Variants in DIAPH1 observed in about 807,000 individuals in gnomAD.
DIAPH1 encodes diaphanous related formin 1, also known as protein diaphanous homolog 1.
DIAPH1 carries 46 observed loss-of-function variants against 140.7 expected under a neutral mutation model. That is an observed-to-expected ratio of 0.33 (90% confidence interval 0.26 to 0.42). DIAPH1 has a LOEUF of 0.42. Among genes scored for constraint, DIAPH1 ranks in the 10% least tolerant of loss-of-function variants. The probability of loss-of-function intolerance (pLI) is 1.00; values close to 1 mark genes in which losing one functional copy is unlikely to be tolerated. For synonymous variants in DIAPH1, 565 were observed against 551.6 expected (o/e 1.02, Z -0.34); for missense variants, 1,310 against 1,558.7 (o/e 0.84, Z 2.69).
intron 1 of DIAPH1, among the ~76,000 whole-genome samples, chr5:141,603,131 C>T (rs2099900420): frequency 6.6e-6 from 1 of 152,050 alleles, no homozygotes; most frequent in African/African-American, 2.4e-5. Flanking sequence ...CTAGCAGTCC[C>T]CAGAAATGGA....
Position 141,573,456 on chromosome 5 carries a change from A to G in DIAPH1, c.2358+36T>C, listed in dbSNP as rs1431095904. On this transcript the variant is annotated intron_variant, in intron 16 of 27. Coordinates refer to ENST00000389054, the MANE Select transcript of DIAPH1 (RefSeq NM_005219.5). ...TCTCAAAAAAAAAAAAAAAAAAAAA[A>G]GATTGACTGGTGAAGAAATAGACAG... 3.2e-6 allele frequency: 5 copies of G among 1,574,818 alleles called. No individual in the cohort carries two copies. The African/African-American group carries it at 5.5e-5, about 17-fold the overall frequency.
At chr5:141,608,148 A>C (rs961121024) in intron 1 of DIAPH1, among the ~76,000 whole-genome samples, 1 of 152,152 alleles carries the variant, frequency 6.6e-6, no homozygotes, top group African/African-American at 2.4e-5. Context: ...TATAAAGTAA[A>C]GGGGTTGATA....
chr5:141,597,645 G>A (rs1368860387), intron 1 of DIAPH1, among the ~76,000 whole-genome samples: 1 of 152,174 alleles, frequency 6.6e-6, no homozygotes, highest in Non-Finnish European at 1.5e-5. Context: ...CAGGTACAGA[G>A]AACCACCAGC....
At chr5:141,579,618 G>A (rs1469781303) in intron 8 of DIAPH1, among the ~76,000 whole-genome samples, 1 of 152,138 alleles carries the variant, frequency 6.6e-6, no homozygotes, top group Non-Finnish European at 1.5e-5. Flanking sequence ...TTGTAAAAAT[G>A]ATCACCTAGA....
intron 1 of DIAPH1, among the ~76,000 whole-genome samples, chr5:141,593,283 G>A (rs770968060): frequency 3.3e-5 from 5 of 152,124 alleles, no homozygotes; most frequent in Non-Finnish European, 7.4e-5. Flanking sequence ...CCATGCCATT[G>A]GGAAACTACC....
intron 18 of DIAPH1, among the ~76,000 whole-genome samples, chr5:141,559,337 C>T (rs905671369): frequency 1.3e-5 from 2 of 152,156 alleles, no homozygotes; most frequent in Non-Finnish European, 2.9e-5. Flanking sequence ...GCAGTTATCC[C>T]TGCCCAAAGG....
Position 141,618,963 on chromosome 5 carries a change from T to C in DIAPH1, c.-49A>G. 2 of 1,125,108 alleles carry C rather than the reference T, an allele frequency of 1.8e-6. No individual in the cohort carries two copies. Among genetic ancestry groups the C allele is most frequent in the Non-Finnish European group, 1.2e-6 (1 of 841,440 alleles). The allele number at this position is 1,125,108 out of a possible 1,614,324, so 69.7% of individuals were successfully genotyped here. ...ACCCCGCGCCTACGCCGCTCCCGCC[T>C]GGCAGCTCCGCGCCCGCCGCCGCCC... On this transcript the variant is annotated 5_prime_UTR_variant, in exon 1 of 28. Coordinates refer to ENST00000389054, the MANE Select transcript of DIAPH1 (RefSeq NM_005219.5).
chr5:141,573,996 T>C lies in DIAPH1; in HGVS notation c.1854A>G (p.Pro618=). The change falls in exon 16 of 28, where the codon CCA becomes CCG. Residue 618 remains proline, a synonymous_variant. Coordinates refer to ENST00000389054, the MANE Select transcript of DIAPH1 (RefSeq NM_005219.5). ...TGCAAACACCCCCAGGCAAAGGAGGTGGAGGAGGAGGAGGAGGAGGAGGAG... is the reference window on the plus strand; with the variant it reads ...TGCAAACACCCCCAGGCAAAGGAGGCGGAGGAGGAGGAGGAGGAGGAGGAG... ...PPPPPPPPPP[P]PPLPGGVCIS... is the part of the protein sequence containing the mutation. The C allele has an allele frequency of 4.6e-6, 7 of 1,511,502 alleles. No homozygotes were observed. Among genetic ancestry groups the C allele is most frequent in the Non-Finnish European group, 6.2e-6 (7 of 1,130,572 alleles). The allele number at this position is 1,511,502 out of a possible 1,614,324, so 93.6% of individuals were successfully genotyped here. A position where few individuals can be genotyped will look rare whatever the true frequency, so the allele number is the denominator to read the frequency against.
intron 18 of DIAPH1, among the ~76,000 whole-genome samples, chr5:141,551,318 C>T (rs933927074): frequency 2.7e-4 from 41 of 152,016 alleles, no homozygotes; most frequent in African/African-American, 8.7e-4. Context: ...TAGCCAGGTG[C>T]GGTGGCACAC....
At chr5:141,547,038 C>A (rs920831790) in intron 18 of DIAPH1, among the ~76,000 whole-genome samples, 10 of 152,188 alleles carry the variant, frequency 6.6e-5, no homozygotes, top group Admixed American at 1.3e-4. Flanking sequence ...CCAATAGGAA[C>A]AGATTCACAT....
chr5:141,567,813 A>G (rs2099894604), intron 18 of DIAPH1, among the ~76,000 whole-genome samples: 1 of 152,234 alleles, frequency 6.6e-6, no homozygotes, highest in Non-Finnish European at 1.5e-5. Flanking sequence ...AGGGCAGCAG[A>G]CAGGTAAACC....
chr5:141,573,881 A>G lies in DIAPH1; in HGVS notation c.1969T>C (p.Leu657=). The G allele has an allele frequency of 6.5e-7, 1 of 1,535,276 alleles. No individual in the cohort carries two copies. The highest frequency in any genetic ancestry group is 8.8e-7 in the Non-Finnish European group (1 of 1,140,566). Residue 657 remains leucine, a synonymous_variant, in exon 16 of 28, where the codon TTG becomes CTG. Coordinates refer to ENST00000389054, the MANE Select transcript of DIAPH1 (RefSeq NM_005219.5). ...GDATIPPPPP[L]PEGVGIPSPS... ...GAAGGGATGCCAACACCCTCAGGCA[A>G]AGGAGGGGGTGGAGGGATGGTAGCA...
rs752460464 is a variant in DIAPH1 at position 141,566,926 on chromosome 5, A to AAAACAAAACAAAACC, written c.2482+4501_2482+4502insGGTTTTGTTTTGTTT. ...AAAACAAAACAAAACAAAACAAAAC[A>AAAACAAAACAAAACC]AAACCACATAAGCAAGCAAAAGGGA... On this transcript the variant is annotated intron_variant, in intron 18 of 27. Coordinates refer to ENST00000389054, the MANE Select transcript of DIAPH1 (RefSeq NM_005219.5). Among the ~76,000 whole-genome samples, 9 of 147,564 alleles carry AAAACAAAACAAAACC rather than the reference A, an allele frequency of 6.1e-5. No individual in the cohort carries two copies. In the East Asian group the frequency reaches 7.9e-4, roughly 13 times the overall value.
In DIAPH1 at chr5:141,578,605, G is replaced by C. The variant is rs907587761; in HGVS notation, c.954C>G (p.Ile318Met). ...IALKVGCLQLINALITPAEEL... is the reference protein window; with the variant it reads ...IALKVGCLQLMNALITPAEEL... ...CCTCCGCTGGTGTGATGAGAGCATT[G>C]ATCAGCTGTAGGCATCCAACCTAAA... Residue 318 changes from isoleucine to methionine, a missense_variant, in exon 10 of 28, where the codon ATC (isoleucine) becomes ATG (methionine). Ile to Met is a conservative substitution (Grantham distance 10). Coordinates refer to ENST00000389054, the MANE Select transcript of DIAPH1 (RefSeq NM_005219.5). 1 of 1,613,296 alleles carries C rather than the reference G, an allele frequency of 6.2e-7. No individual in the cohort carries two copies. Among genetic ancestry groups the C allele is most frequent in the Admixed American group, 1.7e-5 (1 of 60,024 alleles).
Position 141,571,979 on chromosome 5 carries a change from T to A in DIAPH1, c.2420A>T (p.Glu807Val). 6.2e-7 allele frequency: 1 copy of A among 1,614,200 alleles called. No individual in the cohort carries two copies. The highest frequency in any genetic ancestry group is 8.5e-7 in the Non-Finnish European group (1 of 1,180,036). The stretch of plus-strand genomic sequence containing the variant: ...AAGTTTGGCGAAAAGTTCATTGTTC[T>A]CAAAGCGGTCCTCCTTCACCTTTGT... Reference protein sequence around the residue: ...FWTKVKEDRFENNELFAKLTL... With the variant: ...FWTKVKEDRFVNNELFAKLTL... The change falls in exon 17 of 28, where the codon GAG becomes GTG. Residue 807 changes from glutamate to valine, a missense_variant. By Grantham distance (121) the Glu-to-Val change is moderately radical (BLOSUM62 -2). Transcript: ENST00000389054.
intron 18 of DIAPH1, among the ~76,000 whole-genome samples, chr5:141,571,032 T>A (rs894020312): frequency 6.6e-6 from 1 of 152,204 alleles, no homozygotes; most frequent in Non-Finnish European, 1.5e-5. Flanking sequence ...TCAGAGTCTA[T>A]ATATGCTACA....
At position 141,591,096 on chromosome 5, in the gene DIAPH1, T is replaced by C. The variant is rs1008933594; in HGVS notation, c.118-2846A>G. Among the ~76,000 whole-genome samples the C allele has an allele frequency of 1.2e-4, 19 of 152,228 alleles. 1 individual carries two copies. In the East Asian group the frequency reaches 1.7e-3, roughly 14 times the overall value. On this transcript the variant is annotated intron_variant, in intron 1 of 27. Coordinates refer to ENST00000389054, the MANE Select transcript of DIAPH1 (RefSeq NM_005219.5). ...CTGGCTTTTCCCCCCAGTCTCATCT[T>C]CTCAGCAAACTCTCCACCTCAGACT...
chr5:141,568,344 AAG>A (rs1415640185), intron 18 of DIAPH1, among the ~76,000 whole-genome samples: 6 of 152,226 alleles, frequency 3.9e-5, no homozygotes, highest in Non-Finnish European at 5.9e-5. Flanking sequence ...GAAATTCAAA[AAG>A]AGTCAACAAA....
chr5:141,566,289 G>T (rs1479656015), intron 18 of DIAPH1, among the ~76,000 whole-genome samples: 1 of 152,162 alleles, frequency 6.6e-6, no homozygotes, highest in Non-Finnish European at 1.5e-5. Flanking sequence ...CCAGAATATT[G>T]GTAGGATCAT....
Sources: allele counts gnomAD v4.1 joint callset (sites outside exome capture counted in the v4.1 genomes callset), GRCh38; gene constraint gnomAD v4.1.1; transcripts MANE v1.5; gene names NCBI Gene and HGNC (gene_info 2026-07-23, HGNC 2026-07-21).